SFMBT1: variants seen among roughly 807,000 people sequenced by gnomAD.
SFMBT1 encodes scm-like with four MBT domains protein 1.
A neutral mutation model predicts 108.7 loss-of-function variants in SFMBT1; 32 were observed. The ratio of observed to expected loss-of-function variants is 0.29; its 90% CI spans 0.22 to 0.40. The LOEUF (loss-of-function observed/expected upper bound fraction) is 0.40. Ranked by LOEUF, SFMBT1 falls within the 10% of genes least tolerant of loss-of-function variation. The probability of loss-of-function intolerance (pLI) is 1.00; values close to 1 mark genes in which losing one functional copy is unlikely to be tolerated. For missense variants in SFMBT1, 816 were observed against 1,059.6 expected, an observed-to-expected ratio of 0.77 and a Z score of 3.19; for synonymous variants, 348 against 369.5, an observed-to-expected ratio of 0.94 and a Z score of 0.67.
intron 3 of SFMBT1, among the ~76,000 whole-genome samples, chr3:52,952,602 G>A (rs1055575412): frequency 3.3e-5 from 5 of 152,188 alleles, no homozygotes; most frequent in Non-Finnish European, 5.9e-5. Flanking sequence ...GAAGGCCCCA[G>A]GGGATTCAGA....
At chr3:52,996,678 G>C (rs1160578558) in intron 1 of SFMBT1, among the ~76,000 whole-genome samples, 1 of 150,332 alleles carries the variant, frequency 6.7e-6, no homozygotes, top group Non-Finnish European at 1.5e-5. Context: ...CGAACAATAG[G>C]AAATTTAATA....
intron 7 of SFMBT1, 46 bp from the exon 8 acceptor site, chr3:52,930,476 C>CTT (rs767025631): frequency 2.0e-5 from 20 of 1,006,070 alleles, no homozygotes; most frequent in Non-Finnish European, 3.0e-5. Context: ...GTATCTGTAT[C>CTT]AATCTTACAC....
chr3:52,947,688 T>A (rs1703418593), intron 3 of SFMBT1, among the ~76,000 whole-genome samples: 1 of 152,112 alleles, frequency 6.6e-6, no homozygotes, highest in Admixed American at 6.5e-5. Context: ...GTAGTCTAAT[T>A]TATCAATATT....
At chr3:53,034,964 TAATCA>T in intron 1 of SFMBT1, among the ~76,000 whole-genome samples, 1 of 152,260 alleles carries the variant, frequency 6.6e-6, no homozygotes, top group East Asian at 1.9e-4. Flanking sequence ...ATAATTTTGG[TAATCA>T]AATATACCAA....
chr3:52,913,228 T>C (rs954299994), intron 15 of SFMBT1, among the ~76,000 whole-genome samples: 1 of 152,364 alleles, frequency 6.6e-6, no homozygotes, highest in South Asian at 2.1e-4. Flanking sequence ...AGTTCTCTTC[T>C]GGTCTCTGAC....
At chr3:53,011,015 A>G (rs1698925030) in intron 1 of SFMBT1, among the ~76,000 whole-genome samples, 1 of 152,138 alleles carries the variant, frequency 6.6e-6, no homozygotes, top group Non-Finnish European at 1.5e-5. Context: ...GGTACTTCCC[A>G]GGGGATGATG....
chr3:52,928,770 A>G (rs1702767332), intron 8 of SFMBT1, among the ~76,000 whole-genome samples: 1 of 151,140 alleles, frequency 6.6e-6, no homozygotes, highest in South Asian at 2.1e-4. Flanking sequence ...AATTTGGCTC[A>G]CCGAAGCACT....
rs1448031046 is a variant in SFMBT1, at chr3:52,945,729, C to T, written c.124-2136G>A. ...GACAAAGGCAGGAGAATGGCATGAA[C>T]CCGGGAGGCGGAGCTTGCAGTGAGC... On this transcript the variant is annotated intron_variant, in intron 3 of 20. Transcript: ENST00000394752. 2.6e-5 allele frequency among the ~76,000 whole-genome samples: 4 copies of T among 151,808 alleles called. No individual in the cohort carries two copies. In the East Asian group the frequency reaches 7.7e-4, roughly 29 times the overall value.
chr3:52,918,293 T>C (rs1702419801), intron 13 of SFMBT1, among the ~76,000 whole-genome samples, 191 bp downstream of exon 13: 1 of 152,232 alleles, frequency 6.6e-6, no homozygotes, highest in South Asian at 2.1e-4. Flanking sequence ...ATCTTGAGAA[T>C]GCATTTTACC....
intron 1 of SFMBT1, among the ~76,000 whole-genome samples, chr3:52,989,519 G>A (rs1338796148): frequency 3.3e-5 from 5 of 151,704 alleles, no homozygotes; most frequent in African/African-American, 2.4e-5. Context: ...AAAAAAATAA[G>A]GCCAGGTGTG....
At chr3:53,030,469 A>G (rs552820760) in intron 1 of SFMBT1, among the ~76,000 whole-genome samples, 2 of 152,262 alleles carry the variant, frequency 1.3e-5, no homozygotes, top group African/African-American at 4.8e-5. Flanking sequence ...TTAAAGGCGT[A>G]CTTAAGTCTG....
intron 2 of SFMBT1, among the ~76,000 whole-genome samples, chr3:52,964,113 G>C (rs146687543): frequency 0.011 from 1,675 of 152,276 alleles, 15 homozygotes; most frequent in Non-Finnish European, 0.018. Context: ...CAAGTAGCAG[G>C]ACTACAAGTG....
At chr3:53,017,046 C>T (rs1419451605) in intron 1 of SFMBT1, among the ~76,000 whole-genome samples, 1 of 152,174 alleles carries the variant, frequency 6.6e-6, no homozygotes, top group Non-Finnish European at 1.5e-5. Context: ...GAATGAGATC[C>T]TCCTTTTGTT....
intron 8 of SFMBT1, 46 bp downstream of exon 8, chr3:52,930,283 G>A: frequency 8.3e-7 from 1 of 1,201,188 alleles, no homozygotes; most frequent in Non-Finnish European, 1.2e-6. Flanking sequence ...TCCTAAACCA[G>A]TCACCTTGAC....
intron 10 of SFMBT1, among the ~76,000 whole-genome samples, chr3:52,925,803 A>T (rs1435779430): frequency 6.6e-6 from 1 of 152,270 alleles, no homozygotes; most frequent in Admixed American, 6.5e-5. Context: ...GATTTCAGCT[A>T]AGAAAAAATA....
intron 2 of SFMBT1, among the ~76,000 whole-genome samples, chr3:52,967,440 T>C (rs1165180252): frequency 6.6e-6 from 1 of 152,192 alleles, no homozygotes; most frequent in Non-Finnish European, 1.5e-5. Flanking sequence ...TGATGGCTAA[T>C]GGTTTGTTGT....
At chr3:53,019,387 G>C (rs1310684739) in intron 1 of SFMBT1, among the ~76,000 whole-genome samples, 1 of 59,332 alleles carries the variant, frequency 1.7e-5, no homozygotes, top group African/African-American at 4.7e-5. Flanking sequence ...GTGTGTGTGT[G>C]GGGGGGGTAT....
chr3:53,005,891 C>T (rs1429398919), intron 1 of SFMBT1, among the ~76,000 whole-genome samples: 1 of 152,150 alleles, frequency 6.6e-6, no homozygotes, highest in Admixed American at 6.5e-5. Flanking sequence ...CAATTCCAGA[C>T]CAGCCTTCTG....
chr3:53,033,769 C>CAAA (rs538122738), intron 1 of SFMBT1, among the ~76,000 whole-genome samples: 25 of 107,446 alleles, frequency 2.3e-4, no homozygotes, highest in African/African-American at 7.6e-4. Flanking sequence ...CCAAAAAAGA[C>CAAA]AAAAAAAAAA....
Sources: gnomAD v4.1 joint callset for allele counts (sites outside exome capture counted in the v4.1 genomes callset) on GRCh38, gnomAD v4.1.1 for gene constraint, MANE v1.5 for transcripts, NCBI Gene and HGNC (gene_info 2026-07-23, HGNC 2026-07-21) for gene names.